The following CACNB2 variants were observed in gnomAD, a reference collection of about 807,000 sequenced individuals.
CACNB2 encodes the protein calcium voltage-gated channel auxiliary subunit beta 2.
Under a neutral mutation model 73.3 loss-of-function variants are expected in CACNB2, and 42 were observed. That is an observed-to-expected ratio of 0.57 (90% CI 0.45 to 0.74). The LOEUF is 0.74. CACNB2 is among the 30% of genes least tolerant of loss of function. The pLI, the probability that CACNB2 is intolerant of heterozygous loss-of-function variation, is 0.00. For synonymous variants in CACNB2, 348 were observed against 310.3 expected (o/e 1.12, Z -1.28); for missense variants, 940 against 853.0 (o/e 1.10, Z -1.27).
At chr10:18,215,832 GC>G (rs1397055344) in intron 2 of CACNB2, among the ~76,000 whole-genome samples, 2 of 152,124 alleles carry the variant, frequency 1.3e-5, no homozygotes, top group African/African-American at 4.8e-5. Flanking sequence ...TTTAAGAGAA[GC>G]CTGTGGTCTG....
chr10:18,147,203 T>C (rs1185139882), intron 1 of CACNB2, among the ~76,000 whole-genome samples: 1 of 152,218 alleles, frequency 6.6e-6, no homozygotes, highest in Non-Finnish European at 1.5e-5. Flanking sequence ...CTTAAGTTAC[T>C]TCGTGTCAAG....
At chr10:18,428,679 C>G (rs1188093125) in intron 3 of CACNB2, among the ~76,000 whole-genome samples, 1 of 79,122 alleles carries the variant, frequency 1.3e-5, no homozygotes, top group Non-Finnish European at 2.3e-5. Flanking sequence ...AAGCGAGACA[C>G]TGTCAAAAAA....
chr10:18,184,582 A>G (rs1414864276), intron 2 of CACNB2, among the ~76,000 whole-genome samples: 1 of 149,210 alleles, frequency 6.7e-6, no homozygotes, highest in Non-Finnish European at 1.5e-5. Flanking sequence ...CCTATCCTAA[A>G]TGTCACATTA....
intron 2 of CACNB2, among the ~76,000 whole-genome samples, chr10:18,152,546 G>A (rs1420975855): frequency 6.6e-6 from 1 of 151,630 alleles, no homozygotes; most frequent in East Asian, 1.9e-4. Flanking sequence ...ATGAAGGGAG[G>A]GCCTTGGGAC....
chr10:18,470,715 A>T (rs764442367), intron 3 of CACNB2, among the ~76,000 whole-genome samples: 1 of 152,058 alleles, frequency 6.6e-6, no homozygotes, highest in African/African-American at 2.4e-5. Context: ...TTTCACAAGC[A>T]CTTAGCTTGG....
intron 2 of CACNB2, among the ~76,000 whole-genome samples, chr10:18,178,512 T>C (rs2033715762): frequency 6.6e-6 from 1 of 152,174 alleles, no homozygotes; most frequent in Admixed American, 6.5e-5. Flanking sequence ...GACCCACAGA[T>C]TTCTTCTTTT....
chr10:18,481,082 C>T (rs2048697081), intron 3 of CACNB2, among the ~76,000 whole-genome samples: 1 of 150,566 alleles, frequency 6.6e-6, no homozygotes. Flanking sequence ...AGGTGGTGTG[C>T]TGTGAGGCTG....
intron 2 of CACNB2, among the ~76,000 whole-genome samples, chr10:18,388,876 G>A (rs2043344498): frequency 6.6e-6 from 1 of 151,992 alleles, no homozygotes; most frequent in South Asian, 2.1e-4. Flanking sequence ...TGTTTTTCAT[G>A]TGCATAAAGA....
intron 12 of CACNB2, among the ~76,000 whole-genome samples, chr10:18,536,672 G>GATCATGTGTTTT (rs1345228982): frequency 6.6e-6 from 1 of 152,098 alleles, no homozygotes; most frequent in Non-Finnish European, 1.5e-5. Flanking sequence ...CTCCTTCCAT[G>GATCATGTGTTTT]ATCATGTGTT....
At chr10:18,278,538 A>G (rs2038397195) in intron 2 of CACNB2, among the ~76,000 whole-genome samples, 1 of 152,186 alleles carries the variant, frequency 6.6e-6, no homozygotes, top group Admixed American at 6.5e-5. Context: ...AGAAAAACAA[A>G]GAAAATGAAA....
intron 2 of CACNB2, among the ~76,000 whole-genome samples, chr10:18,214,059 A>G (rs114598481): frequency 0.011 from 1,608 of 152,288 alleles, 31 homozygotes; most frequent in African/African-American, 0.036. Context: ...ACGTATCTGA[A>G]AAAAAGAATT....
chr10:18,533,965 AAG>A (rs1474238296), intron 10 of CACNB2, 109 bp from the exon 11 acceptor site: 1 of 941,392 alleles, frequency 1.1e-6, no homozygotes, highest in Non-Finnish European at 1.7e-6. Context: ...TATTGCCTGT[AAG>A]CATTAACATA....
chr10:18,261,682 G>GA lies in CACNB2; in HGVS notation c.213+110709dup, dbSNP rs146943727. Among the ~76,000 whole-genome samples the GA allele has an allele frequency of 5.1e-3, 783 of 152,198 alleles. 16 individuals carry two copies. The South Asian group carries it at 0.07, about 14-fold the overall frequency. On this transcript the variant is annotated intron_variant, in intron 2 of 13. Transcript: ENST00000324631. ...TATTTGAATGATGGGATGGTGGGGGGAAGAAATACCACGGAGTTTGACAAA... is the reference window on the plus strand; with the variant it reads ...TATTTGAATGATGGGATGGTGGGGGGAAAGAAATACCACGGAGTTTGACAAA...
chr10:18,319,480 G>T (rs566922009), intron 2 of CACNB2, among the ~76,000 whole-genome samples: 1 of 152,032 alleles, frequency 6.6e-6, no homozygotes, highest in Non-Finnish European at 1.5e-5. Flanking sequence ...ATGGCATTAG[G>T]ACAAATGCCT....
At chr10:18,167,181 GAACT>G (rs1274857029) in intron 2 of CACNB2, among the ~76,000 whole-genome samples, 7 of 152,150 alleles carry the variant, frequency 4.6e-5, no homozygotes, top group Admixed American at 6.5e-5. Context: ...TATCCTGAGT[GAACT>G]AACTGAGAAT....
chr10:18,226,905 A>C (rs1613804), intron 2 of CACNB2, among the ~76,000 whole-genome samples: 2 of 151,836 alleles, frequency 1.3e-5, no homozygotes, highest in African/African-American at 4.8e-5. Flanking sequence ...TGTTGCTACT[A>C]TCCAGCCTGG....
chr10:18,391,733 C>G (rs976518390), intron 2 of CACNB2, among the ~76,000 whole-genome samples: 1 of 151,868 alleles, frequency 6.6e-6, no homozygotes, highest in African/African-American at 2.4e-5. Flanking sequence ...TCGAGACCAG[C>G]CTGGGCAGCA....
intron 1 of CACNB2, among the ~76,000 whole-genome samples, chr10:18,145,650 T>A (rs1482880513): frequency 2.6e-5 from 4 of 152,206 alleles, no homozygotes; most frequent in African/African-American, 9.6e-5. Flanking sequence ...AAGCAAAATA[T>A]GTTAACCTCA....
intron 2 of CACNB2, among the ~76,000 whole-genome samples, chr10:18,333,209 C>T (rs975579148): frequency 1.3e-5 from 2 of 152,028 alleles, no homozygotes; most frequent in Admixed American, 6.6e-5. Flanking sequence ...GAATTCAACG[C>T]GCTTTCTCAA....
Sources: allele counts gnomAD v4.1 joint callset (sites outside exome capture counted in the v4.1 genomes callset), GRCh38; gene constraint gnomAD v4.1.1; transcripts MANE v1.5; gene names NCBI Gene and HGNC (gene_info 2026-07-23, HGNC 2026-07-21).